TBC1D22A: variants seen among roughly 807,000 people sequenced by gnomAD.
TBC1D22A encodes TBC1 domain family member 22A, also known as putative GTPase activator.
TBC1D22A carries 38 observed loss-of-function variants against 60.2 expected under a neutral mutation model. The ratio of observed to expected loss-of-function variants is 0.63; its 90% CI spans 0.49 to 0.83. TBC1D22A has a LOEUF of 0.83. TBC1D22A is among the 40% of genes least tolerant of loss of function. TBC1D22A has a pLI of 0.00. For synonymous variants in TBC1D22A, 302 were observed against 281.7 expected (o/e 1.07, Z -0.72); for missense variants, 628 against 701.0 (o/e 0.90, Z 1.18).
chr22:46,809,905 A>C (rs888265336), intron 4 of TBC1D22A, among the ~76,000 whole-genome samples: 5 of 152,164 alleles, frequency 3.3e-5, no homozygotes, highest in Non-Finnish European at 5.9e-5. Flanking sequence ...ATATTACATC[A>C]TCCTCCTCTC....
intron 8 of TBC1D22A, among the ~76,000 whole-genome samples, chr22:46,957,097 A>G (rs946900614): frequency 6.6e-5 from 10 of 152,200 alleles, no homozygotes; most frequent in African/African-American, 2.4e-4. Context: ...TTTCTGTTAG[A>G]GAGGGACGCG....
chr22:47,137,425 G>A (rs897948848), intron 12 of TBC1D22A, among the ~76,000 whole-genome samples: 1 of 152,172 alleles, frequency 6.6e-6, no homozygotes, highest in African/African-American at 2.4e-5. Flanking sequence ...GCCCAAAGAG[G>A]GGACATGTAC....
At chr22:46,901,565 C>T (rs2068997665) in intron 7 of TBC1D22A, among the ~76,000 whole-genome samples, 1 of 152,166 alleles carries the variant, frequency 6.6e-6, no homozygotes, top group African/African-American at 2.4e-5. Flanking sequence ...GAGAGTTCTA[C>T]CCATTAATTA....
intron 4 of TBC1D22A, among the ~76,000 whole-genome samples, chr22:46,818,399 T>C (rs1211965507): frequency 1.3e-5 from 2 of 152,254 alleles, no homozygotes; most frequent in Non-Finnish European, 2.9e-5. Context: ...ATGTAAGTCT[T>C]TAAGCCATCT....
chr22:46,893,729 C>T (rs1404482223), intron 6 of TBC1D22A, among the ~76,000 whole-genome samples: 1 of 152,242 alleles, frequency 6.6e-6, no homozygotes, highest in Non-Finnish European at 1.5e-5. Flanking sequence ...GTCCTTTGGC[C>T]CTGCCTGTCT....
chr22:46,890,253 A>G (rs2068328347), intron 5 of TBC1D22A, among the ~76,000 whole-genome samples: 1 of 152,078 alleles, frequency 6.6e-6, no homozygotes, highest in Admixed American at 6.6e-5. Context: ...GCAGGAGATC[A>G]CTTGAACCCG....
chr22:47,053,027 T>C (rs2063279192), intron 11 of TBC1D22A, among the ~76,000 whole-genome samples: 1 of 152,228 alleles, frequency 6.6e-6, no homozygotes, highest in Middle Eastern at 3.2e-3. Context: ...TGTGTGGTCA[T>C]TGTCATGTCT....
At chr22:47,132,831 C>T (rs1298302919) in intron 12 of TBC1D22A, among the ~76,000 whole-genome samples, 4 of 150,474 alleles carry the variant, frequency 2.7e-5, no homozygotes, top group East Asian at 1.9e-4. Flanking sequence ...CGAGTGTCCG[C>T]GGAAACGCCA....
At chr22:47,137,857 C>T (rs1007567036) in intron 12 of TBC1D22A, among the ~76,000 whole-genome samples, 10 of 151,574 alleles carry the variant, frequency 6.6e-5, no homozygotes, top group Non-Finnish European at 1.0e-4. Context: ...AGCGGGGAGC[C>T]GGGAGTGGGG....
At chr22:47,164,365 T>C (rs555420349) in intron 12 of TBC1D22A, among the ~76,000 whole-genome samples, 23 of 152,382 alleles carry the variant, frequency 1.5e-4, no homozygotes, top group Middle Eastern at 3.4e-3. Flanking sequence ...TTGTCACTTA[T>C]GCATGTCCAG....
chr22:47,147,230 C>T (rs1245630534), intron 12 of TBC1D22A, among the ~76,000 whole-genome samples: 1 of 152,212 alleles, frequency 6.6e-6, no homozygotes, highest in African/African-American at 2.4e-5. Flanking sequence ...CAATACTAAA[C>T]CAACTCGGAG....
At chr22:47,088,245 G>A (rs888731190) in intron 11 of TBC1D22A, among the ~76,000 whole-genome samples, 1 of 152,222 alleles carries the variant, frequency 6.6e-6, no homozygotes, top group East Asian at 1.9e-4. Context: ...TCCTTAAGCC[G>A]TTTCCCATGA....
rs6007989 is a variant in TBC1D22A at position 46,896,517 on chromosome 22, G to T, written c.900+1671G>T. On this transcript the variant is annotated intron_variant, in intron 7 of 12. Coordinates refer to ENST00000337137, the MANE Select transcript of TBC1D22A (RefSeq NM_014346.5). ...GTTCATCTGCAGTTGATGGCCATGT[G>T]TGATGGGAGGCAGGAGTCTGTTTAA... Among the ~76,000 whole-genome samples the T allele has an allele frequency of 8.6e-3, 1,315 of 152,296 alleles. 26 individuals carry two copies. Among genetic ancestry groups the T allele is most frequent in the African/African-American group, 0.03 (1,247 of 41,562 alleles).
chr22:46,972,144 A>T (rs1285247129), intron 8 of TBC1D22A, among the ~76,000 whole-genome samples: 1 of 152,220 alleles, frequency 6.6e-6, no homozygotes, highest in Non-Finnish European at 1.5e-5. Context: ...TATGCTGTGG[A>T]CAATGGTGTC....
At chr22:47,071,752 G>A (rs2147513042) in intron 11 of TBC1D22A, among the ~76,000 whole-genome samples, 1 of 152,316 alleles carries the variant, frequency 6.6e-6, no homozygotes. Flanking sequence ...AAATGAGCCA[G>A]TCCTAATAAA....
intron 10 of TBC1D22A, among the ~76,000 whole-genome samples, chr22:47,013,161 G>T (rs1369802888): frequency 6.6e-6 from 1 of 152,208 alleles, no homozygotes; most frequent in Non-Finnish European, 1.5e-5. Context: ...GGATCTTTGA[G>T]GTGCTGGGAG....
Position 46,915,123 on chromosome 22 carries a change from G to A in TBC1D22A, c.1015+2935G>A, listed in dbSNP as rs572444956. 23 of 306,712 alleles carry A rather than the reference G, an allele frequency of 7.5e-5. 1 individual carries two copies. Among genetic ancestry groups the A allele is most frequent in the South Asian group, 6.6e-4 (22 of 33,134 alleles). The allele number at this position is 306,712 out of a possible 1,614,324, so 19.0% of individuals were successfully genotyped here. On this transcript the variant is annotated intron_variant, in intron 8 of 12. Coordinates refer to ENST00000337137, the MANE Select transcript of TBC1D22A (RefSeq NM_014346.5). The stretch of plus-strand genomic sequence containing the variant: ...CAGTGCTGAGAAGGAGAAGCTTGGG[G>A]TCGAGTCCCAGGGGTGTGCGAAACC...
chr22:46,805,652 G>GC (rs1434742541), intron 4 of TBC1D22A, among the ~76,000 whole-genome samples: 3 of 152,178 alleles, frequency 2.0e-5, no homozygotes, highest in East Asian at 3.9e-4. Flanking sequence ...TGCCAAGGAT[G>GC]TGTCTCCTGT....
chr22:47,001,624 G>A (rs1238655931), intron 10 of TBC1D22A, among the ~76,000 whole-genome samples: 3 of 152,070 alleles, frequency 2.0e-5, no homozygotes, highest in African/African-American at 7.2e-5. Context: ...GTATTTGGTG[G>A]CTAGTGCTGC....
Sources: gnomAD v4.1 joint callset for allele counts (sites outside exome capture counted in the v4.1 genomes callset) on GRCh38, gnomAD v4.1.1 for gene constraint, MANE v1.5 for transcripts, NCBI Gene and HGNC (gene_info 2026-07-23, HGNC 2026-07-21) for gene names.